KCNT2: variants seen among roughly 807,000 people sequenced by gnomAD.
KCNT2 encodes the protein potassium sodium-activated channel subfamily T member 2, also known as potassium channel subfamily T member 2.
A neutral mutation model predicts 153.8 loss-of-function variants in KCNT2; 67 were observed. The observed-to-expected ratio is 0.44, with a 90% CI of 0.36 to 0.53. The LOEUF (loss-of-function observed/expected upper bound fraction) is 0.53, where lower values mean the gene tolerates loss of function less well. Ranked by LOEUF, KCNT2 falls within the 20% of genes least tolerant of loss-of-function variation. KCNT2 has a pLI of 0.00. For missense variants in KCNT2, 975 were observed against 1,354.8 expected (o/e 0.72, Z 4.40); for synonymous variants, 500 against 458.8 (o/e 1.09, Z -1.15).
At chr1:196,571,290 G>A (rs922874745) in intron 1 of KCNT2, among the ~76,000 whole-genome samples, 19 of 152,030 alleles carry the variant, frequency 1.2e-4, no homozygotes, top group Non-Finnish European at 2.6e-4. Flanking sequence ...GAAGAATTTA[G>A]GCAGCATGAG....
chr1:196,258,492 A>G lies in KCNT2; in HGVS notation c.2913T>C (p.Ser971=), dbSNP rs770938509. The G allele has an allele frequency of 3.9e-6, 6 of 1,526,754 alleles. No homozygotes were observed. The Admixed American group carries it at 7.0e-5, about 18-fold the overall frequency. 94.6% of individuals were successfully genotyped at this position (1,526,754 alleles called of 1,614,324 possible). ...ACTCTTCTACACTGATAGATATTTG[A>G]GACTTTAAAGGAAATAGATATTGAT... is the stretch of plus-strand genomic sequence containing the variant. The part of the protein sequence containing the change: ...TESQKLTTSE[S]QISISVEEWE... The change falls in exon 26 of 28, where the codon TCT becomes TCC. Residue 971 remains serine, a splice_region_variant and synonymous_variant. Transcript: ENST00000294725.
In KCNT2 at chr1:196,280,973, C is replaced by A; in HGVS notation, c.2797G>T (p.Asp933Tyr). ...GFLCSMKITA[D>Y]DLWIRTYARL... is the part of the protein sequence containing the mutation. ...GCATAAGTTCTGATCCATAAGTCAT[C>A]TGCAGTGATTTTCATCTATAACACA... Residue 933 changes from aspartate (D) to tyrosine (Y), a missense_variant, in exon 25 of 28, where the codon GAT becomes TAT. Transcript: ENST00000294725. 6.2e-7 allele frequency: 1 copy of A among 1,610,952 alleles called. No individual in the cohort carries two copies. The highest frequency in any genetic ancestry group is 1.1e-5 in the South Asian group (1 of 90,938).
At chr1:196,420,712 G>A (rs912114637) in intron 12 of KCNT2, among the ~76,000 whole-genome samples, 7 of 151,952 alleles carry the variant, frequency 4.6e-5, no homozygotes, top group African/African-American at 1.4e-4. Flanking sequence ...TGTCAATAGA[G>A]ATATGGACCA....
Position 196,608,197 on chromosome 1 carries a change from C to T in KCNT2, c.95+18G>A, listed in dbSNP as rs757511665. 9.3e-6 allele frequency: 15 copies of T among 1,609,420 alleles called. No individual in the cohort carries two copies. In the East Asian group the frequency reaches 3.3e-4, roughly 36 times the overall value. On this transcript the variant is annotated intron_variant, in intron 1 of 27. Coordinates refer to ENST00000294725, the MANE Select transcript of KCNT2 (RefSeq NM_198503.5). ...TTTCAGCAATATTTACAGAACAATC[C>T]TCCACCACACCACTCACCTGTCGTC...
At chr1:196,317,699 ATAGT>A (rs1662862869) in intron 20 of KCNT2, among the ~76,000 whole-genome samples, 2 of 151,836 alleles carry the variant, frequency 1.3e-5, no homozygotes, top group Admixed American at 1.3e-4. Context: ...GGAAAGATGA[ATAGT>A]TAATCATCAA....
chr1:196,298,684 C>T (rs1356807734), intron 22 of KCNT2, among the ~76,000 whole-genome samples: 1 of 151,488 alleles, frequency 6.6e-6, no homozygotes, highest in African/African-American at 2.4e-5. Flanking sequence ...CTCTGCCCTC[C>T]TTGGAGTTGA....
At chr1:196,495,497 C>T (rs142248719) in intron 1 of KCNT2, among the ~76,000 whole-genome samples, 53 of 151,882 alleles carry the variant, frequency 3.5e-4, no homozygotes, top group African/African-American at 1.3e-3. Flanking sequence ...CCATTCCTTC[C>T]TCCCTCCTTT....
At chr1:196,289,102 A>G in intron 22 of KCNT2, among the ~76,000 whole-genome samples, 1 of 152,234 alleles carries the variant, frequency 6.6e-6, no homozygotes, top group Non-Finnish European at 1.5e-5. Context: ...TATTTTTATT[A>G]TCAGTTGTTT....
chr1:196,452,862 C>A (rs1352402475), intron 8 of KCNT2, among the ~76,000 whole-genome samples: 2 of 151,832 alleles, frequency 1.3e-5, no homozygotes, highest in African/African-American at 4.8e-5. Context: ...TTTATACCTT[C>A]AACTGATGAG....
chr1:196,404,704 C>A (rs1201538247), intron 12 of KCNT2, among the ~76,000 whole-genome samples: 1 of 151,506 alleles, frequency 6.6e-6, no homozygotes, highest in Non-Finnish European at 1.5e-5. Context: ...TTAACCCCAT[C>A]TAATTTTTAG....
At chr1:196,512,378 G>T (rs79239565) in intron 1 of KCNT2, among the ~76,000 whole-genome samples, 6,873 of 152,038 alleles carry the variant, frequency 0.045, 441 homozygotes, top group African/African-American at 0.14. Context: ...TATTAATTAA[G>T]CTGTCTACTC....
intron 8 of KCNT2, among the ~76,000 whole-genome samples, chr1:196,450,027 T>C (rs2148615674): frequency 6.6e-6 from 1 of 151,856 alleles, no homozygotes; most frequent in East Asian, 2.0e-4. Context: ...TTTGAAGAAG[T>C]GGAAAATAAA....
chr1:196,598,295 T>C (rs1028591664), intron 1 of KCNT2, among the ~76,000 whole-genome samples: 2 of 152,280 alleles, frequency 1.3e-5, no homozygotes, highest in East Asian at 3.9e-4. Context: ...GTTTTCATTT[T>C]GTTTCTGGGA....
chr1:196,321,024 A>G (rs1015889719), intron 19 of KCNT2, among the ~76,000 whole-genome samples: 8 of 149,848 alleles, frequency 5.3e-5, no homozygotes, highest in Non-Finnish European at 1.2e-4. Flanking sequence ...ATCCCAAAAC[A>G]TTTATGGAAG....
rs902088874 is a variant in KCNT2, at chr1:196,428,185, C to T, written c.904G>A (p.Val302Ile). 6 of 1,612,384 alleles carry T rather than the reference C, an allele frequency of 3.7e-6. No homozygotes were observed. Among genetic ancestry groups the T allele is most frequent in the Non-Finnish European group, 5.1e-6 (6 of 1,178,724 alleles). Residue 302 changes from valine to isoleucine, a missense_variant, in exon 10 of 28, where the codon GTC (valine) becomes ATC (isoleucine). Val to Ile is a conservative substitution (Grantham distance 29). Around this residue, in one of 6 missense-constraint regions of KCNT2, gnomAD observed 202 missense variants for 314.9 expected, o/e 0.64. Transcript: ENST00000294725. ...TTCAGTGAGCTGACACACAGGACGA[C>T]ATGCTTTTCAGTTTGAGCTCTATGT... is the stretch of plus-strand genomic sequence containing the variant. Reference protein sequence around the residue: ...SRHRAQTEKHVVLCVSSLKID... With the variant: ...SRHRAQTEKHIVLCVSSLKID...
chr1:196,396,176 C>A (rs1436280901), intron 13 of KCNT2, among the ~76,000 whole-genome samples: 2 of 151,530 alleles, frequency 1.3e-5, no homozygotes, highest in Non-Finnish European at 3.0e-5. Flanking sequence ...GATTTTTCAT[C>A]CTTAGAGAGG....
At chr1:196,374,403 T>C (rs1180201031) in intron 13 of KCNT2, among the ~76,000 whole-genome samples, 1 of 151,908 alleles carries the variant, frequency 6.6e-6, no homozygotes, top group African/African-American at 2.4e-5. Context: ...GATAGCATAC[T>C]ACTTTTTATT....
intron 12 of KCNT2, among the ~76,000 whole-genome samples, chr1:196,422,336 T>C (rs1387219355): frequency 6.6e-6 from 1 of 151,944 alleles, no homozygotes; most frequent in Non-Finnish European, 1.5e-5. Context: ...CCAATTGTTC[T>C]CATTTGTCCA....
At chr1:196,257,382 A>C in intron 26 of KCNT2, 1 of 976,820 alleles carries the variant, frequency 1.0e-6, no homozygotes, top group Non-Finnish European at 1.2e-6. Flanking sequence ...ACAAGAGAAA[A>C]GGGTAAATAT....
Sources: allele counts gnomAD v4.1 joint callset (sites outside exome capture counted in the v4.1 genomes callset), GRCh38; gene constraint gnomAD v4.1.1; regional missense constraint gnomAD v4.1.1; transcripts MANE v1.5; gene names NCBI Gene and HGNC (gene_info 2026-07-23, HGNC 2026-07-21).